NUBPL: variants seen among roughly 807,000 people sequenced by gnomAD.
NUBPL encodes the protein iron-sulfur cluster transfer protein NUBPL.
NUBPL carries 31 observed loss-of-function variants against 45.7 expected under a neutral mutation model. That is an observed-to-expected ratio of 0.68 (90% CI 0.51 to 0.92). The LOEUF (loss-of-function observed/expected upper bound fraction) is 0.92, where lower values mean the gene tolerates loss of function less well. Among genes scored for constraint, NUBPL ranks in the 40% least tolerant of loss-of-function variants. The probability of loss-of-function intolerance (pLI) is 0.00; values close to 1 mark genes in which losing one functional copy is unlikely to be tolerated. For missense variants in NUBPL, 401 were observed against 398.7 expected (o/e 1.01, Z -0.05); for synonymous variants, 144 against 140.9 (o/e 1.02, Z -0.15).
intron 10 of NUBPL, among the ~76,000 whole-genome samples, chr14:31,851,975 G>A (rs2040545052): frequency 6.6e-6 from 1 of 152,106 alleles, no homozygotes; most frequent in Admixed American, 6.5e-5. Flanking sequence ...AGAACATATA[G>A]CCACCATCCA....
At chr14:31,682,139 A>G (rs1323880057) in intron 6 of NUBPL, among the ~76,000 whole-genome samples, 1 of 152,146 alleles carries the variant, frequency 6.6e-6, no homozygotes, top group Non-Finnish European at 1.5e-5. Context: ...ATCTCCAGGT[A>G]TGATTGTATA....
intron 3 of NUBPL, among the ~76,000 whole-genome samples, chr14:31,589,655 T>C (rs986250810): frequency 3.3e-5 from 5 of 152,166 alleles, no homozygotes; most frequent in African/African-American, 1.2e-4. Flanking sequence ...CCTGTTTTGC[T>C]CTTCCTCCTC....
chr14:31,822,032 A>G (rs112781118), intron 7 of NUBPL, among the ~76,000 whole-genome samples: 2,063 of 152,216 alleles, frequency 0.014, 42 homozygotes, highest in African/African-American at 0.047. Flanking sequence ...TATTCGAGGT[A>G]GGGAAGGGTA....
At chr14:31,664,327 A>G (rs1288180156) in intron 4 of NUBPL, among the ~76,000 whole-genome samples, 1 of 152,174 alleles carries the variant, frequency 6.6e-6, no homozygotes, top group Non-Finnish European at 1.5e-5. Flanking sequence ...TTCAAAGGGA[A>G]TGCTTCCAGC....
chr14:31,741,450 C>G (rs2038282237), intron 6 of NUBPL, among the ~76,000 whole-genome samples: 1 of 152,156 alleles, frequency 6.6e-6, no homozygotes, highest in Admixed American at 6.5e-5. Context: ...GATATAAACC[C>G]AGCAGGCTGG....
intron 6 of NUBPL, among the ~76,000 whole-genome samples, chr14:31,728,737 T>G (rs1255979349): frequency 2.0e-5 from 3 of 152,242 alleles, no homozygotes; most frequent in African/African-American, 4.8e-5. Context: ...CTTGGTTGAT[T>G]GCTATCCCTT....
intron 3 of NUBPL, among the ~76,000 whole-genome samples, chr14:31,596,755 G>T (rs1210193039): frequency 6.6e-6 from 1 of 152,204 alleles, no homozygotes; most frequent in Non-Finnish European, 1.5e-5. Context: ...TTTTAAGAAA[G>T]AATACTTTAA....
intron 7 of NUBPL, among the ~76,000 whole-genome samples, chr14:31,793,284 T>C (rs1277928819): frequency 6.6e-6 from 1 of 152,154 alleles, no homozygotes; most frequent in Non-Finnish European, 1.5e-5. Flanking sequence ...TACAGCACAG[T>C]TGATCCTCAC....
intron 4 of NUBPL, among the ~76,000 whole-genome samples, chr14:31,600,847 G>C (rs1230036153): frequency 6.6e-6 from 1 of 151,392 alleles, no homozygotes; most frequent in Non-Finnish European, 1.5e-5. Flanking sequence ...GTCCTGAATG[G>C]TAATGCCTAG....
intron 4 of NUBPL, among the ~76,000 whole-genome samples, chr14:31,606,035 TCCTCCTC>T (rs982610006): frequency 1.4e-5 from 2 of 147,802 alleles, no homozygotes; most frequent in African/African-American, 5.0e-5. Context: ...TCCTTCTCCC[TCCTCCTC>T]CCTCCTCCTC....
chr14:31,746,756 G>A (rs910943100), intron 6 of NUBPL, among the ~76,000 whole-genome samples: 9 of 151,864 alleles, frequency 5.9e-5, no homozygotes, highest in Non-Finnish European at 1.2e-4. Flanking sequence ...ACTTTGAGAG[G>A]AATTGGTGTT....
chr14:31,652,965 G>GT (rs1356077381), intron 4 of NUBPL, among the ~76,000 whole-genome samples: 1 of 152,154 alleles, frequency 6.6e-6, no homozygotes, highest in Non-Finnish European at 1.5e-5. Context: ...GTGACATCAC[G>GT]TATCAGTAGG....
intron 3 of NUBPL, among the ~76,000 whole-genome samples, chr14:31,572,660 C>T (rs1026953238): frequency 6.6e-6 from 1 of 152,162 alleles, no homozygotes; most frequent in Non-Finnish European, 1.5e-5. Context: ...GTGGCCTACA[C>T]ACTGTTCTTT....
chr14:31,844,016 C>T (rs1380147691), intron 8 of NUBPL: 2 of 152,074 alleles, frequency 1.3e-5, no homozygotes, highest in African/African-American at 2.4e-5. Flanking sequence ...ATTAAGAGCT[C>T]GTTAAATATT....
intron 6 of NUBPL, among the ~76,000 whole-genome samples, chr14:31,698,144 C>G (rs1470667405): frequency 6.6e-6 from 1 of 152,004 alleles, no homozygotes; most frequent in Non-Finnish European, 1.5e-5. Flanking sequence ...ATTTTATAAT[C>G]AGTAACATCT....
intron 6 of NUBPL, among the ~76,000 whole-genome samples, chr14:31,758,043 G>A (rs1387249013): frequency 1.3e-5 from 2 of 152,068 alleles, no homozygotes; most frequent in East Asian, 3.8e-4. Flanking sequence ...TCTCAGAAGA[G>A]CAGGCTGTCA....
intron 7 of NUBPL, among the ~76,000 whole-genome samples, chr14:31,816,728 T>C (rs1186501845): frequency 6.6e-6 from 1 of 152,164 alleles, no homozygotes; most frequent in Non-Finnish European, 1.5e-5. Flanking sequence ...TGGTTTGTCG[T>C]CTCTTTGTTC....
At chr14:31,648,978 T>G (rs976593044) in intron 4 of NUBPL, among the ~76,000 whole-genome samples, 1 of 151,896 alleles carries the variant, frequency 6.6e-6, no homozygotes, top group African/African-American at 2.4e-5. Flanking sequence ...CTGGCTAATT[T>G]TTTTTATTTT....
rs114424315 is a variant in NUBPL, at chr14:31,780,362, C to T, written c.514-7418C>T. 7.6e-3 allele frequency among the ~76,000 whole-genome samples: 1,163 copies of T among 152,202 alleles called. 22 individuals carry two copies. The highest frequency in any genetic ancestry group is 0.026 in the African/African-American group (1,089 of 41,528). ...GGAATTACAGGCGTGAGCCACTGTG[C>T]CCGGCTGAGAGAGCAGATTTTTTAC... On this transcript the variant is annotated intron_variant, in intron 6 of 10. Coordinates refer to ENST00000281081, the MANE Select transcript of NUBPL (RefSeq NM_025152.3).
Sources: gnomAD v4.1 joint callset for allele counts (sites outside exome capture counted in the v4.1 genomes callset) on GRCh38, gnomAD v4.1.1 for gene constraint, MANE v1.5 for transcripts, NCBI Gene and HGNC (gene_info 2026-07-23, HGNC 2026-07-21) for gene names.